Variants in RUNX1T1 observed in about 807,000 individuals in gnomAD.
The protein encoded by RUNX1T1 is protein CBFA2T1.
Under a neutral mutation model 62.8 loss-of-function variants are expected in RUNX1T1, and 4 were observed. The observed-to-expected ratio is 0.06, with a 90% CI of 0.03 to 0.15. The LOEUF is 0.15. Ranked by LOEUF, RUNX1T1 falls within the 10% of genes least tolerant of loss-of-function variation. The probability of loss-of-function intolerance (pLI) is 1.00; values close to 1 mark genes in which losing one functional copy is unlikely to be tolerated. For missense variants in RUNX1T1, 508 were observed against 754.3 expected, an observed-to-expected ratio of 0.67 and a Z score of 3.82; for synonymous variants, 291 against 286.0, an observed-to-expected ratio of 1.02 and a Z score of -0.18.
chr8:92,049,178 T>C (rs11990286), intron 1 of RUNX1T1, among the ~76,000 whole-genome samples: 33,870 of 152,122 alleles, frequency 0.22, 3,911 homozygotes, highest in African/African-American at 0.27. Context: ...ACAGACAATA[T>C]CTGTGATGGC....
At chr8:91,976,418 T>C (rs1032047844) in intron 8 of RUNX1T1, among the ~76,000 whole-genome samples, 2 of 152,226 alleles carry the variant, frequency 1.3e-5, no homozygotes, top group African/African-American at 4.8e-5. Context: ...TTTCAATGAA[T>C]AGCAAGCTCC....
intron 1 of RUNX1T1, among the ~76,000 whole-genome samples, chr8:92,038,871 T>C (rs1827898259): frequency 6.6e-6 from 1 of 151,952 alleles, no homozygotes; most frequent in African/African-American, 2.4e-5. Context: ...GAAATTACTC[T>C]CTCTCTTATC....
At chr8:92,063,113 G>T, upstream of RUNX1T1, 1 of 295,262 alleles carries the variant, frequency 3.4e-6, no homozygotes, top group Non-Finnish European at 5.4e-6. Flanking sequence ...AAAAAAAAAA[G>T]GTACAGAACT....
At chr8:92,044,362 T>A (rs1415878301) in intron 1 of RUNX1T1, among the ~76,000 whole-genome samples, 1 of 152,240 alleles carries the variant, frequency 6.6e-6, no homozygotes. Flanking sequence ...CAATGTGACT[T>A]CTGCAAGTTC....
At chr8:92,100,448 G>A (rs1461813488), upstream of RUNX1T1, among the ~76,000 whole-genome samples, 2 of 152,118 alleles carry the variant, frequency 1.3e-5, no homozygotes, top group African/African-American at 4.8e-5. Flanking sequence ...TTAATAAAAA[G>A]TTAACCTCAG....
At chr8:91,977,253 C>G (rs954900274) in intron 8 of RUNX1T1, 3 of 194,868 alleles carry the variant, frequency 1.5e-5, no homozygotes, top group African/African-American at 6.9e-5. Flanking sequence ...GAAACTATAT[C>G]ATCTTTGCAA....
At chr8:91,965,229 A>C (rs903858851) in intron 10 of RUNX1T1, among the ~76,000 whole-genome samples, 2 of 152,140 alleles carry the variant, frequency 1.3e-5, no homozygotes, top group Non-Finnish European at 2.9e-5. Context: ...TTCTCCTCAT[A>C]CTTCATTAGT....
rs183126976 is a variant in RUNX1T1 at position 92,003,492 on chromosome 8, T to C, written c.659+1624A>G. 7.0e-6 allele frequency: 3 copies of C among 427,246 alleles called. No homozygotes were observed. In the Admixed American group the frequency reaches 7.3e-5, roughly 10 times the overall value. 26.5% of individuals were successfully genotyped at this position (427,246 alleles called of 1,614,324 possible). A position where few individuals can be genotyped will look rare whatever the true frequency, so the allele number is the denominator to read the frequency against. On this transcript the variant is annotated intron_variant, in intron 5 of 10. Transcript: ENST00000396218. Reference sequence around the variant, plus strand: ...TCCATTTTCAATTTTGCCTGCAGGATCATCTCTACATTTATCTTAGCTATC... The same window carrying C: ...TCCATTTTCAATTTTGCCTGCAGGACCATCTCTACATTTATCTTAGCTATC...
intron 1 of RUNX1T1, among the ~76,000 whole-genome samples, chr8:92,044,992 T>G (rs1035267035): frequency 6.7e-6 from 1 of 149,468 alleles, no homozygotes; most frequent in Non-Finnish European, 1.5e-5. Flanking sequence ...GCACTTTGGG[T>G]GGCCAAGGTG....
At chr8:92,052,270 C>G (rs1830359553) in intron 1 of RUNX1T1, among the ~76,000 whole-genome samples, 1 of 152,128 alleles carries the variant, frequency 6.6e-6, no homozygotes, top group South Asian at 2.1e-4. Flanking sequence ...TTGAAGTCTA[C>G]CTAAATATTC....
At chr8:91,997,384 A>G (rs1169888067) in intron 5 of RUNX1T1, among the ~76,000 whole-genome samples, 2 of 152,132 alleles carry the variant, frequency 1.3e-5, no homozygotes, top group Non-Finnish European at 2.9e-5. Context: ...AGGAACTACC[A>G]CTATAAATAT....
At chr8:92,073,980 G>A (rs905428186) in intron 2 of RUNX1T1, among the ~76,000 whole-genome samples, 1 of 152,140 alleles carries the variant, frequency 6.6e-6, no homozygotes, top group South Asian at 2.1e-4. Context: ...TTATAGGTAT[G>A]AGCCACCATG....
At chr8:91,990,735 G>C (rs761054475) in intron 6 of RUNX1T1, among the ~76,000 whole-genome samples, 20 of 151,044 alleles carry the variant, frequency 1.3e-4, no homozygotes, top group South Asian at 4.2e-4. Flanking sequence ...TCATCTAACT[G>C]TAACCTCTGC....
chr8:92,054,715 C>T (rs553936607), intron 1 of RUNX1T1, among the ~76,000 whole-genome samples: 1 of 152,220 alleles, frequency 6.6e-6, no homozygotes, highest in South Asian at 2.1e-4. Flanking sequence ...ATACATTCAG[C>T]ACAGGGCCAG....
At chr8:92,038,107 G>A (rs1003291978) in intron 1 of RUNX1T1, among the ~76,000 whole-genome samples, 1 of 151,780 alleles carries the variant, frequency 6.6e-6, no homozygotes, top group African/African-American at 2.4e-5. Context: ...CTGTTGTACA[G>A]GCTAGAGAGC....
At chr8:92,085,175 G>A (rs1237517951) in intron 1 of RUNX1T1, among the ~76,000 whole-genome samples, 4 of 152,162 alleles carry the variant, frequency 2.6e-5, no homozygotes, top group African/African-American at 9.7e-5. Flanking sequence ...CACTATACTC[G>A]ACTGCCTTCT....
intron 1 of RUNX1T1, among the ~76,000 whole-genome samples, chr8:92,026,892 C>T (rs1186537656): frequency 3.3e-5 from 5 of 150,968 alleles, no homozygotes; most frequent in Non-Finnish European, 4.4e-5. Context: ...CCGAGACGGG[C>T]GGATCACGAG....
At chr8:92,008,499 T>G (rs1039399198) in intron 4 of RUNX1T1, among the ~76,000 whole-genome samples, 1 of 151,514 alleles carries the variant, frequency 6.6e-6, no homozygotes, top group African/African-American at 2.4e-5. Flanking sequence ...TCTGAACATA[T>G]AGAGACCTTT....
At chr8:92,083,266 A>G (rs1370274149) in intron 1 of RUNX1T1, among the ~76,000 whole-genome samples, 1 of 152,210 alleles carries the variant, frequency 6.6e-6, no homozygotes, top group Non-Finnish European at 1.5e-5. Context: ...TAATTAAACT[A>G]AAGAGCTTCT....
Sources: allele counts gnomAD v4.1 joint callset (sites outside exome capture counted in the v4.1 genomes callset), GRCh38; gene constraint gnomAD v4.1.1; transcripts MANE v1.5; gene names NCBI Gene and HGNC (gene_info 2026-07-23, HGNC 2026-07-21).